Variants in CSMD3 observed in about 807,000 individuals in gnomAD.
CSMD3 encodes CUB and Sushi multiple domains 3.
A neutral mutation model predicts 435.2 loss-of-function variants in CSMD3; 177 were observed. The ratio of observed to expected loss-of-function variants is 0.41; its 90% confidence interval spans 0.36 to 0.46. The LOEUF is 0.46. Among genes scored for constraint, CSMD3 ranks in the 20% least tolerant of loss-of-function variants. CSMD3 has a pLI of 0.34. For missense variants in CSMD3, 4,265 were observed against 4,504.6 expected (o/e 0.95, Z 1.52); for synonymous variants, 1,656 against 1,520.5 (o/e 1.09, Z -2.07).
intron 22 of CSMD3, among the ~76,000 whole-genome samples, chr8:112,608,516 C>G (rs1400089875): frequency 6.6e-6 from 1 of 151,994 alleles, no homozygotes; most frequent in Non-Finnish European, 1.5e-5. Context: ...CATCATACTT[C>G]CTGGTTTCAA....
chr8:112,866,391 A>ATTC (rs1401707256), intron 10 of CSMD3, among the ~76,000 whole-genome samples: 9 of 152,154 alleles, frequency 5.9e-5, no homozygotes, highest in Non-Finnish European at 1.3e-4. Context: ...TGTGCTCTGA[A>ATTC]TGGCTTTCCC....
At chr8:112,782,028 C>A (rs893242586) in intron 13 of CSMD3, among the ~76,000 whole-genome samples, 1 of 152,014 alleles carries the variant, frequency 6.6e-6, no homozygotes, top group Non-Finnish European at 1.5e-5. Context: ...TCTTCAATGC[C>A]CAGGCATCTA....
chr8:113,325,341 G>A (rs928265004), intron 1 of CSMD3, among the ~76,000 whole-genome samples: 6 of 152,072 alleles, frequency 3.9e-5, no homozygotes, highest in African/African-American at 1.4e-4. Flanking sequence ...TTGAATCATG[G>A]GGACCCATGC....
intron 3 of CSMD3, among the ~76,000 whole-genome samples, chr8:113,214,307 A>T (rs2092875294): frequency 6.6e-6 from 1 of 151,996 alleles, no homozygotes; most frequent in African/African-American, 2.4e-5. Context: ...ATGTGTGTTT[A>T]AAGAGGATAT....
intron 28 of CSMD3, among the ~76,000 whole-genome samples, chr8:112,511,391 T>TTC (rs1823112010): frequency 3.0e-5 from 4 of 131,560 alleles, no homozygotes; most frequent in East Asian, 2.3e-4. Context: ...TTTCTTTTTT[T>TTC]TTTTTTTTTT....
intron 30 of CSMD3, among the ~76,000 whole-genome samples, chr8:112,493,039 CT>C (rs1466766940): frequency 6.6e-6 from 1 of 152,034 alleles, no homozygotes; most frequent in Non-Finnish European, 1.5e-5. Flanking sequence ...TTTTATGGAC[CT>C]TTAAGACATG....
chr8:112,512,500 T>A (rs908496880), intron 28 of CSMD3, among the ~76,000 whole-genome samples: 1 of 152,154 alleles, frequency 6.6e-6, no homozygotes, highest in South Asian at 2.1e-4. Flanking sequence ...AAAATCATCT[T>A]TTTTTCTGAA....
At chr8:113,365,251 T>A (rs1005425764) in intron 1 of CSMD3, among the ~76,000 whole-genome samples, 1 of 152,084 alleles carries the variant, frequency 6.6e-6, no homozygotes, top group Non-Finnish European at 1.5e-5. Flanking sequence ...TAAACTGCTA[T>A]TAAGGATTCA....
intron 6 of CSMD3, 119 bp downstream of exon 6, chr8:113,018,948 T>A: frequency 1.3e-6 from 1 of 746,702 alleles, no homozygotes; most frequent in Non-Finnish European, 2.4e-6. Flanking sequence ...CATGACCATT[T>A]TTTTCAATAC....
intron 4 of CSMD3, among the ~76,000 whole-genome samples, chr8:113,156,783 T>A (rs2091941686): frequency 9.9e-6 from 1 of 100,650 alleles, no homozygotes; most frequent in Admixed American, 1.2e-4. Flanking sequence ...TAAATAAAGT[T>A]AGCCAGGCCT....
At chr8:112,614,635 CT>C (rs2131486070) in intron 22 of CSMD3, among the ~76,000 whole-genome samples, 1 of 152,030 alleles carries the variant, frequency 6.6e-6, no homozygotes, top group East Asian at 1.9e-4. Context: ...CCATCTAGAG[CT>C]TTTTATTTTT....
chr8:113,128,670 A>C (rs559360336), intron 4 of CSMD3, among the ~76,000 whole-genome samples: 34 of 152,250 alleles, frequency 2.2e-4, no homozygotes, highest in African/African-American at 8.2e-4. Context: ...ATATGTACTC[A>C]GACAGAGGCT....
intron 3 of CSMD3, among the ~76,000 whole-genome samples, chr8:113,180,189 G>A (rs1429495887): frequency 1.3e-5 from 2 of 151,948 alleles, no homozygotes; most frequent in Admixed American, 6.6e-5. Flanking sequence ...TAATTTAGGA[G>A]AGCATAACAT....
At chr8:113,335,608 G>A (rs574934688) in intron 1 of CSMD3, among the ~76,000 whole-genome samples, 2 of 105,200 alleles carry the variant, frequency 1.9e-5, no homozygotes, top group African/African-American at 7.7e-5. Context: ...TACTTGAAAA[G>A]AATATATATT....
intron 59 of CSMD3, among the ~76,000 whole-genome samples, chr8:112,271,543 A>G (rs1264136369): frequency 6.6e-6 from 1 of 152,154 alleles, no homozygotes; most frequent in East Asian, 1.9e-4. Flanking sequence ...AAGTATACTA[A>G]AGAACATGGA....
At chr8:112,332,866 C>T (rs552734010) in intron 45 of CSMD3, among the ~76,000 whole-genome samples, 34 of 152,228 alleles carry the variant, frequency 2.2e-4, no homozygotes, top group African/African-American at 7.9e-4. Context: ...CAATTATCTC[C>T]AATTCTCAAA....
At chr8:112,340,100 G>GA (rs1213773563) in intron 42 of CSMD3, among the ~76,000 whole-genome samples, 1 of 152,132 alleles carries the variant, frequency 6.6e-6, no homozygotes, top group South Asian at 2.1e-4. Context: ...ATGAGAATAG[G>GA]AAAAAAACAG....
intron 9 of CSMD3, among the ~76,000 whole-genome samples, chr8:112,925,214 A>G (rs1378884636): frequency 6.6e-6 from 1 of 151,646 alleles, no homozygotes; most frequent in Non-Finnish European, 1.5e-5. Context: ...AGGAATTCTC[A>G]TTTTCCTCAT....
Position 112,829,782 on chromosome 8 carries a change from T to A in CSMD3, c.1763A>T (p.Gln588Leu). 6.3e-7 allele frequency: 1 copy of A among 1,595,382 alleles called. No homozygotes were observed. Among genetic ancestry groups the A allele is most frequent in the Non-Finnish European group, 8.6e-7 (1 of 1,163,184 alleles). The change falls in exon 12 of 71, where the codon CAG becomes CTG. Residue 588 changes from glutamine to leucine, a missense_variant. By Grantham distance (113) the Gln-to-Leu change is moderately radical. Transcript: ENST00000297405. ...ITAVNTNKVI[Q>L]INFEEFDLEI... ...CAGATCAAATTCTTCAAAATTTATC[T>A]GGATAACCTAGCAGTAAACAGAAAC...
Sources: allele counts gnomAD v4.1 joint callset (sites outside exome capture counted in the v4.1 genomes callset), GRCh38; gene constraint gnomAD v4.1.1; transcripts MANE v1.5; gene names NCBI Gene and HGNC (gene_info 2026-07-23, HGNC 2026-07-21).